ZNF529: variants seen among roughly 807,000 people sequenced by gnomAD.
ZNF529 encodes zinc finger protein 529.
Under a neutral mutation model 10.1 loss-of-function variants are expected in ZNF529, and 11 were observed. The ratio of observed to expected loss-of-function variants is 1.09; its 90% CI spans 0.69 to 1.81. The LOEUF (loss-of-function observed/expected upper bound fraction) is 1.81, where lower values mean the gene tolerates loss of function less well. Among genes scored for constraint, ZNF529 ranks in the 40% most tolerant of loss-of-function variants. The pLI, the probability that ZNF529 is intolerant of heterozygous loss-of-function variation, is 0.00. For synonymous variants in ZNF529, 204 were observed against 215.7 expected (o/e 0.95, Z 0.47); for missense variants, 624 against 666.8 (o/e 0.94, Z 0.71).
At position 36,554,794 on chromosome 19, in the gene ZNF529, T is replaced by C; in HGVS notation, c.111A>G (p.Glu37=). ...TGACCACATCCCTGAGTGTCACCAGTTCCTGAAACAACAAACCCGTACATT... is the reference window on the plus strand; with the variant it reads ...TGACCACATCCCTGAGTGTCACCAGCTCCTGAAACAACAAACCCGTACATT... The part of the protein sequence containing the change: ...QFFTVLTMDH[E]LVTLRDVVIN... The change falls in exon 4 of 5, where the codon GAA becomes GAG. Residue 37 remains glutamate (E), a splice_region_variant and synonymous_variant. Transcript: ENST00000591340. The C allele has an allele frequency of 6.4e-7, 1 of 1,553,098 alleles. No individual in the cohort carries two copies. The highest frequency in any genetic ancestry group is 8.7e-7 in the Non-Finnish European group (1 of 1,148,842).
At chr19:36,557,595 T>G (rs146364916) in intron 2 of ZNF529, among the ~76,000 whole-genome samples, 3 of 152,322 alleles carry the variant, frequency 2.0e-5, no homozygotes, top group African/African-American at 7.2e-5. Context: ...GGTCCTGCCC[T>G]TGACATGTGG....
intron 1 of ZNF529, among the ~76,000 whole-genome samples, chr19:36,590,238 G>A (rs1205737546): frequency 1.3e-5 from 2 of 152,042 alleles, no homozygotes; most frequent in Admixed American, 6.6e-5. Context: ...GTGGTGGTGT[G>A]CAATTGCATG....
At chr19:36,596,830 C>T (rs2145289616) in intron 1 of ZNF529, among the ~76,000 whole-genome samples, 1 of 152,136 alleles carries the variant, frequency 6.6e-6, no homozygotes, top group Middle Eastern at 3.4e-3. Context: ...TTGCTTTCAA[C>T]TTTTCTATGT....
At chr19:36,582,707 T>TAAAAAAAAAAAAAA in intron 2 of ZNF529, 1 of 112,726 alleles carries the variant, frequency 8.9e-6, no homozygotes, top group South Asian at 2.8e-4. Flanking sequence ...GACTCCATCT[T>TAAAAAAAAAAAAAA]AAAAAAAAAA....
chr19:36,589,540 G>A (rs2036659527), intron 2 of ZNF529: 1 of 152,132 alleles, frequency 6.6e-6, no homozygotes, highest in African/African-American at 2.4e-5. Context: ...CAGTTTTCCA[G>A]ACCAGTCTTT....
intron 2 of ZNF529, among the ~76,000 whole-genome samples, chr19:36,559,567 G>A (rs2967438): frequency 0.87 from 132,810 of 152,240 alleles, 58,706 homozygotes; most frequent in African/African-American, 0.93. Flanking sequence ...TTGGCCTCCC[G>A]AAGTGCCGGA....
intron 2 of ZNF529, among the ~76,000 whole-genome samples, chr19:36,589,149 G>C (rs774062176): frequency 1.3e-5 from 2 of 152,066 alleles, no homozygotes; most frequent in Non-Finnish European, 2.9e-5. Context: ...GTCTCACTCT[G>C]TTGCCCAGGC....
intron 2 of ZNF529, 83 bp from the exon 3 acceptor site, chr19:36,556,280 A>G: frequency 1.4e-6 from 1 of 701,922 alleles, no homozygotes; most frequent in South Asian, 1.6e-5. Context: ...ATGAAGAAAC[A>G]TTAGTTTAAG....
intron 1 of ZNF529, among the ~76,000 whole-genome samples, chr19:36,592,582 A>G (rs1320733780): frequency 1.3e-5 from 2 of 151,190 alleles, no homozygotes; most frequent in Non-Finnish European, 2.9e-5. Context: ...CAACAAAGCA[A>G]GACTCTGTCT....
At chr19:36,552,152 T>C (rs980988719) in intron 4 of ZNF529, among the ~76,000 whole-genome samples, 56 of 152,252 alleles carry the variant, frequency 3.7e-4, no homozygotes, top group African/African-American at 1.3e-3. Context: ...CAGTCTGGGC[T>C]GGGTGCAGTG....
At chr19:36,557,261 CAG>C (rs1166944740) in intron 2 of ZNF529, among the ~76,000 whole-genome samples, 1 of 152,118 alleles carries the variant, frequency 6.6e-6, no homozygotes, top group East Asian at 1.9e-4. Context: ...TGAGCAACAT[CAG>C]AGATTTTACA....
intron 1 of ZNF529, among the ~76,000 whole-genome samples, chr19:36,603,671 T>G (rs2036966265): frequency 6.6e-6 from 1 of 152,132 alleles, no homozygotes; most frequent in Non-Finnish European, 1.5e-5. Context: ...GAACACATTC[T>G]TCACCACCGG....
chr19:36,604,497 C>A (rs1432451851), intron 1 of ZNF529, among the ~76,000 whole-genome samples: 1 of 152,190 alleles, frequency 6.6e-6, no homozygotes, highest in African/African-American at 2.4e-5. Context: ...CAAGAAACCA[C>A]GTAACTTAAA....
At chr19:36,577,925 T>G (rs1412202479), upstream of ZNF529, 1 of 152,144 alleles carries the variant, frequency 6.6e-6, no homozygotes, top group African/African-American at 2.4e-5. Context: ...CCTTTGGACA[T>G]TAATTCAGTA....
intron 1 of ZNF529, among the ~76,000 whole-genome samples, chr19:36,590,057 A>G (rs772562367): frequency 3.3e-5 from 5 of 152,204 alleles, no homozygotes; most frequent in Non-Finnish European, 7.3e-5. Context: ...ACTAACTGAT[A>G]ATGAAAATGC....
chr19:36,547,045 G>T lies in ZNF529; in HGVS notation c.1513C>A (p.Pro505Thr), dbSNP rs757025877. Reference sequence around the variant, plus strand: ...TTCCCACATGCCTTGCATTCATAGGGTTTTTCTCCAGTATGAATTCTCTGA... The same window carrying T: ...TTCCCACATGCCTTGCATTCATAGGTTTTTTCTCCAGTATGAATTCTCTGA... ...EHQRIHTGEK[P>T]YECKACGKAF... The change falls in exon 5 of 5, where the codon CCC becomes ACC. Residue 505 changes from proline (P) to threonine (T), a missense_variant. Physicochemically the swap from Pro to Thr is conservative, Grantham distance 38 (BLOSUM62 -1). Coordinates refer to ENST00000591340, the MANE Select transcript of ZNF529 (RefSeq NM_020951.5). 1 of 1,613,994 alleles carries T rather than the reference G, an allele frequency of 6.2e-7. No homozygotes were observed. The highest frequency in any genetic ancestry group is 1.3e-5 in the African/African-American group (1 of 75,016).
At chr19:36,598,283 G>C (rs998305173) in intron 1 of ZNF529, among the ~76,000 whole-genome samples, 1 of 152,160 alleles carries the variant, frequency 6.6e-6, no homozygotes, top group African/African-American at 2.4e-5. Context: ...GCTGAGGCTG[G>C]AGGATCACTT....
chr19:36,595,292 T>TG (rs2036817189), intron 1 of ZNF529, among the ~76,000 whole-genome samples: 1 of 152,218 alleles, frequency 6.6e-6, no homozygotes, highest in South Asian at 2.1e-4. Flanking sequence ...AGCTTGACAA[T>TG]ATTTACAAAG....
intron 2 of ZNF529, among the ~76,000 whole-genome samples, chr19:36,557,539 G>T (rs1238932984): frequency 6.6e-6 from 1 of 152,132 alleles, no homozygotes; most frequent in Non-Finnish European, 1.5e-5. Context: ...ACTATTACAA[G>T]AACAGTATGG....
Sources: allele counts gnomAD v4.1 joint callset (sites outside exome capture counted in the v4.1 genomes callset), GRCh38; gene constraint gnomAD v4.1.1; transcripts MANE v1.5; gene names NCBI Gene and HGNC (gene_info 2026-07-23, HGNC 2026-07-21).